SRC: variants seen among roughly 807,000 people sequenced by gnomAD.
The protein encoded by SRC is proto-oncogene tyrosine-protein kinase Src.
Under a neutral mutation model 62.9 loss-of-function variants are expected in SRC, and 13 were observed. The observed-to-expected ratio is 0.21, with a 90% CI of 0.13 to 0.33. SRC has a LOEUF of 0.33. SRC is among the 10% of genes least tolerant of loss of function. The pLI is 1.00. For missense variants in SRC, 457 were observed against 737.3 expected (o/e 0.62, Z 4.40); for synonymous variants, 302 against 317.5 (o/e 0.95, Z 0.52).
intron 2 of SRC, among the ~76,000 whole-genome samples, chr20:37,369,724 G>A (rs2070131030): frequency 6.6e-6 from 1 of 151,984 alleles, no homozygotes; most frequent in Non-Finnish European, 1.5e-5. Context: ...ATCTTGGGGG[G>A]ATGGCACGCA....
Position 37,397,965 on chromosome 20 carries a change from C to G in SRC, c.859+111C>G. ...AGCTGCCTCTGCTGGATGACGGGGC[C>G]CTGTTGTAAATCTGGAGCTCCCCAG... On this transcript the variant is annotated intron_variant, in intron 9 of 13. Coordinates refer to ENST00000373578, the MANE Select transcript of SRC (RefSeq NM_198291.3). This position sits in a 1 kb window ranked among gnomAD's most constrained non-coding sequence, Gnocchi z 4.1. The G allele has an allele frequency of 7.4e-7, 1 of 1,349,130 alleles. No homozygotes were observed. Among genetic ancestry groups the G allele is most frequent in the Non-Finnish European group, 9.9e-7 (1 of 1,012,068 alleles). The allele number at this position is 1,349,130 out of a possible 1,614,324, so 83.6% of individuals were successfully genotyped here. A position where few individuals can be genotyped will look rare whatever the true frequency, so the allele number is the denominator to read the frequency against.
At chr20:37,372,290 T>C (rs149779479) in intron 2 of SRC, among the ~76,000 whole-genome samples, 3,342 of 152,328 alleles carry the variant, frequency 0.022, 111 homozygotes, top group African/African-American at 0.076. Flanking sequence ...ATCTAGACGG[T>C]TTCCTTTTTT....
In SRC at chr20:37,396,787, G is replaced by A; in HGVS notation, c.703+476G>A. On this transcript the variant is annotated intron_variant, in intron 8 of 13. Coordinates refer to ENST00000373578, the MANE Select transcript of SRC (RefSeq NM_198291.3). This position sits in a 1 kb window ranked among gnomAD's most constrained non-coding sequence, Gnocchi z 6.1. ...GCTTGCGTGCTGGGTGAGGGCTCGG[G>A]CGTGGGCGCAGTGCTGTAGCCCACC... 1 of 187,684 alleles carries A rather than the reference G, an allele frequency of 5.3e-6. No homozygotes were observed. Among genetic ancestry groups the A allele is most frequent in the Non-Finnish European group, 1.1e-5 (1 of 89,480 alleles). 11.6% of individuals were successfully genotyped at this position (187,684 alleles called of 1,614,324 possible).
chr20:37,400,757 T>G (rs1394525065), intron 10 of SRC, among the ~76,000 whole-genome samples: 1 of 152,184 alleles, frequency 6.6e-6, no homozygotes, highest in Non-Finnish European at 1.5e-5. Flanking sequence ...CCCTTTTAAG[T>G]GTTCAGTTCA....
At chr20:37,368,916 T>G in intron 2 of SRC, among the ~76,000 whole-genome samples, 1 of 152,214 alleles carries the variant, frequency 6.6e-6, no homozygotes, top group South Asian at 2.1e-4. Flanking sequence ...TGATCCAATT[T>G]GTGTTGATTT....
chr20:37,353,385 G>A (rs1457083716), intron 1 of SRC, among the ~76,000 whole-genome samples: 2 of 152,148 alleles, frequency 1.3e-5, no homozygotes, highest in Non-Finnish European at 2.9e-5. Context: ...AAAGTGACTT[G>A]CCTGAGGTCA....
intron 2 of SRC, among the ~76,000 whole-genome samples, chr20:37,372,107 C>T (rs994526552): frequency 6.6e-6 from 1 of 152,176 alleles, no homozygotes; most frequent in Non-Finnish European, 1.5e-5. Flanking sequence ...GAGCAGTCCT[C>T]CTGCCTCAGC....
intron 1 of SRC, among the ~76,000 whole-genome samples, chr20:37,362,645 AGGCTGTGACCCCCT>A (rs1459472088): frequency 6.7e-6 from 1 of 149,786 alleles, no homozygotes; most frequent in Non-Finnish European, 1.5e-5. Context: ...CTGGGGGTTG[AGGCTGTGACCCCCT>A]GGCCTTGTGA....
chr20:37,364,763 A>G (rs1410122443), intron 1 of SRC, among the ~76,000 whole-genome samples: 8 of 152,098 alleles, frequency 5.3e-5, no homozygotes, highest in Admixed American at 5.2e-4. Context: ...CCACTACGGC[A>G]TCTGGGGCGC....
At chr20:37,368,033 T>A (rs964990721) in intron 2 of SRC, among the ~76,000 whole-genome samples, 100 of 152,244 alleles carry the variant, frequency 6.6e-4, no homozygotes, top group African/African-American at 2.3e-3. Context: ...ATTTTCTTGA[T>A]GTTGTTCTTT....
chr20:37,348,459 C>T (rs6090528), intron 1 of SRC, among the ~76,000 whole-genome samples: 1 of 152,176 alleles, frequency 6.6e-6, no homozygotes, highest in Admixed American at 6.5e-5. Context: ...TATTGAGCAC[C>T]TGCTGCGTAC....
intron 2 of SRC, among the ~76,000 whole-genome samples, chr20:37,373,278 A>T (rs879596332): frequency 0.014 from 2,080 of 151,950 alleles, 26 homozygotes; most frequent in Non-Finnish European, 0.019. Context: ...GCACACACAC[A>T]CACACATATT....
At chr20:37,377,432 C>A (rs768028844) in intron 2 of SRC, among the ~76,000 whole-genome samples, 1 of 152,210 alleles carries the variant, frequency 6.6e-6, no homozygotes, top group Non-Finnish European at 1.5e-5. Context: ...TACTCTCCAC[C>A]CTTAGAAGAG....
intron 1 of SRC, among the ~76,000 whole-genome samples, chr20:37,355,021 G>A (rs1036047904): frequency 2.0e-5 from 3 of 152,298 alleles, no homozygotes; most frequent in Admixed American, 6.5e-5. Context: ...GAGGATACAC[G>A]TGAGCACAGG....
At chr20:37,369,586 G>A (rs1455158111) in intron 2 of SRC, among the ~76,000 whole-genome samples, 1 of 152,070 alleles carries the variant, frequency 6.6e-6, no homozygotes, top group Non-Finnish European at 1.5e-5. Flanking sequence ...TGCAAAAAAA[G>A]AGAGTTTTCC....
intron 1 of SRC, among the ~76,000 whole-genome samples, chr20:37,352,596 C>A (rs1381804116): frequency 6.6e-6 from 1 of 152,170 alleles, no homozygotes; most frequent in Non-Finnish European, 1.5e-5. Flanking sequence ...CTGAATGGGC[C>A]CCTCTCTTCA....
chr20:37,370,154 T>C (rs2070138994), intron 2 of SRC, among the ~76,000 whole-genome samples: 1 of 152,254 alleles, frequency 6.6e-6, no homozygotes. Flanking sequence ...TTCCCTTCTA[T>C]CGTTTTTGTC....
At chr20:37,359,902 AT>A (rs971535350) in intron 1 of SRC, among the ~76,000 whole-genome samples, 22 of 147,098 alleles carry the variant, frequency 1.5e-4, no homozygotes, top group South Asian at 4.4e-4. Flanking sequence ...AGGGCCAAGC[AT>A]TTTTTTTTTC....
chr20:37,396,238 G>A lies in SRC; in HGVS notation c.630G>A (p.Leu210=), dbSNP rs1399564095. The A allele has an allele frequency of 6.2e-7, 1 of 1,614,030 alleles. No homozygotes were observed. Among genetic ancestry groups the A allele is most frequent in the Non-Finnish European group, 8.5e-7 (1 of 1,180,000 alleles). ...TGAAGCACTACAAGATCCGCAAGCT[G>A]GACAGCGGCGGCTTCTACATCACCT... is the stretch of plus-strand genomic sequence containing the variant. The part of the protein sequence containing the change: ...LNVKHYKIRK[L]DSGGFYITSR... The change falls in exon 8 of 14, where the codon CTG becomes CTA. Residue 210 remains leucine, a synonymous_variant. Transcript: ENST00000373578. The surrounding 1 kb of genome is among the most constrained non-coding windows in gnomAD (Gnocchi z 6.1).
Sources: allele counts gnomAD v4.1 joint callset (sites outside exome capture counted in the v4.1 genomes callset), GRCh38; gene constraint gnomAD v4.1.1; non-coding constraint Gnocchi (gnomAD v3.1); transcripts MANE v1.5; gene names NCBI Gene and HGNC (gene_info 2026-07-23, HGNC 2026-07-21).